Variants in NUP210 observed in about 807,000 individuals in gnomAD.
NUP210 encodes nucleoporin 210, also known as nuclear pore membrane glycoprotein 210.
NUP210 carries 151 observed loss-of-function variants against 196.0 expected under a neutral mutation model. The observed-to-expected ratio is 0.77, with a 90% CI of 0.67 to 0.88. The LOEUF is 0.88. Among genes scored for constraint, NUP210 ranks in the 40% least tolerant of loss-of-function variants. NUP210 has a pLI of 0.00. For missense variants in NUP210, 2,314 were observed against 2,493.7 expected (o/e 0.93, Z 1.53); for synonymous variants, 1,070 against 1,052.7 (o/e 1.02, Z -0.32).
At chr3:13,413,062 C>T (rs1347972220) in intron 1 of NUP210, among the ~76,000 whole-genome samples, 3 of 151,952 alleles carry the variant, frequency 2.0e-5, no homozygotes, top group Non-Finnish European at 4.4e-5. Flanking sequence ...GTCAGGAGTT[C>T]GAGACTAGCC....
chr3:13,326,033 C>T (rs1696737941), intron 32 of NUP210, 102 bp from the exon 33 acceptor site: 2 of 1,470,672 alleles, frequency 1.4e-6, no homozygotes, highest in African/African-American at 2.8e-5. Context: ...CTGGCTGCCG[C>T]TACCCCCATG....
chr3:13,410,353 T>C (rs1445830098), intron 1 of NUP210, among the ~76,000 whole-genome samples: 1 of 151,232 alleles, frequency 6.6e-6, no homozygotes, highest in Admixed American at 6.6e-5. Flanking sequence ...TAATTTTGTA[T>C]TTTTAGCAGA....
In NUP210 at chr3:13,348,500, G is replaced by T. The variant is rs191088872; in HGVS notation, c.2835+3379C>A. 6 of 985,360 alleles carry T rather than the reference G, an allele frequency of 6.1e-6. No individual in the cohort carries two copies. The Admixed American group carries it at 3.7e-4, about 61-fold the overall frequency. The allele number at this position is 985,360 out of a possible 1,614,324, so 61.0% of individuals were successfully genotyped here. ...GGAACTCCCCTCTTCTTGGTAATGG[G>T]GAAGTTTTTATTAATTTCCAAAAAT... is the stretch of plus-strand genomic sequence containing the variant. On this transcript the variant is annotated intron_variant, in intron 20 of 39. Coordinates refer to ENST00000254508, the MANE Select transcript of NUP210 (RefSeq NM_024923.4). The surrounding 1 kb of genome is among the most constrained non-coding windows in gnomAD (Gnocchi z 4.0).
intron 14 of NUP210, among the ~76,000 whole-genome samples, chr3:13,365,193 C>T (rs1244703362): frequency 2.0e-5 from 3 of 152,214 alleles, no homozygotes; most frequent in South Asian, 2.1e-4. Flanking sequence ...AGGCCCAGTT[C>T]TTTTTTATCC....
At chr3:13,381,420 C>CTTTTTTT (rs10644995) in intron 6 of NUP210, among the ~76,000 whole-genome samples, 25 of 134,416 alleles carry the variant, frequency 1.9e-4, no homozygotes, top group African/African-American at 3.4e-4. Context: ...CTTTTCTTTT[C>CTTTTTTT]TTTTTTTTTT....
Position 13,319,063 on chromosome 3 carries a change from G to T in NUP210, c.5563+9C>A. The stretch of plus-strand genomic sequence containing the variant: ...TCTGCCTGGTTGTGCCTGCAGGGGG[G>T]CTACTCACAGTGGGGGCTGTGTCCA... On this transcript the variant is annotated intron_variant, in intron 39 of 39. Transcript: ENST00000254508. The T allele has an allele frequency of 6.3e-7, 1 of 1,595,866 alleles. No individual in the cohort carries two copies. The highest frequency in any genetic ancestry group is 8.5e-7 in the Non-Finnish European group (1 of 1,172,888).
intron 1 of NUP210, among the ~76,000 whole-genome samples, chr3:13,418,357 C>T (rs11919451): frequency 0.041 from 6,216 of 152,304 alleles, 186 homozygotes; most frequent in African/African-American, 0.085. Flanking sequence ...CTTTGGGAGG[C>T]AGAGGCGGCG....
At chr3:13,390,607 C>T (rs1359012193) in intron 4 of NUP210, among the ~76,000 whole-genome samples, 2 of 152,212 alleles carry the variant, frequency 1.3e-5, no homozygotes, top group African/African-American at 2.4e-5. Context: ...TGCAGATCCA[C>T]GGATCTGAGT....
chr3:13,334,227 A>G (rs555196548), intron 28 of NUP210, among the ~76,000 whole-genome samples: 1 of 152,382 alleles, frequency 6.6e-6, no homozygotes, highest in Admixed American at 6.5e-5. Flanking sequence ...ACAGAGGCAC[A>G]GAGCTGCCAA....
In NUP210 at chr3:13,397,506, A is replaced by G; in HGVS notation, c.305-18T>C. The G allele has an allele frequency of 6.3e-6, 10 of 1,581,414 alleles. No individual in the cohort carries two copies. Among genetic ancestry groups the G allele is most frequent in the Non-Finnish European group, 6.9e-6 (8 of 1,163,528 alleles). Reference sequence around the variant, plus strand: ...GCCTGTGGCTGGAGGAACCCCAGGAAGGGGTCAGCACCAAAGACAGTCCCC... The same window carrying G: ...GCCTGTGGCTGGAGGAACCCCAGGAGGGGGTCAGCACCAAAGACAGTCCCC... On this transcript the variant is annotated intron_variant, in intron 2 of 39. Coordinates refer to ENST00000254508, the MANE Select transcript of NUP210 (RefSeq NM_024923.4).
At chr3:13,320,091 G>T in intron 36 of NUP210, 112 bp from the exon 37 acceptor site, 1 of 951,834 alleles carries the variant, frequency 1.1e-6, no homozygotes. Flanking sequence ...ATCTCTGGAA[G>T]CACCCCCGCT....
chr3:13,402,061 T>C (rs910501188), intron 1 of NUP210, among the ~76,000 whole-genome samples: 4 of 152,150 alleles, frequency 2.6e-5, no homozygotes, highest in Non-Finnish European at 5.9e-5. Context: ...TAGCCAGTTA[T>C]GGTGGTGTGC....
chr3:13,333,433 T>C (rs904265404), intron 28 of NUP210, among the ~76,000 whole-genome samples: 27 of 152,234 alleles, frequency 1.8e-4, no homozygotes, highest in Admixed American at 1.6e-3. Context: ...CCCTGGGCCA[T>C]GGCCAATATC....
chr3:13,412,373 C>A (rs1240861918), intron 1 of NUP210, among the ~76,000 whole-genome samples: 5 of 151,436 alleles, frequency 3.3e-5, no homozygotes, highest in African/African-American at 4.9e-5. Context: ...CGGCCCTTTT[C>A]TTATTATTGT....
At chr3:13,404,500 T>C (rs1449033806) in intron 1 of NUP210, among the ~76,000 whole-genome samples, 1 of 152,252 alleles carries the variant, frequency 6.6e-6, no homozygotes, top group Non-Finnish European at 1.5e-5. Context: ...TTATTCTAAC[T>C]TCTAAATGAA....
At chr3:13,375,994 T>A (rs964612324) in intron 10 of NUP210, among the ~76,000 whole-genome samples, 2 of 152,188 alleles carry the variant, frequency 1.3e-5, no homozygotes. Context: ...TGTCGGTGCA[T>A]GGGCATTTCT....
At chr3:13,320,090 A>G in intron 36 of NUP210, 111 bp from the exon 37 acceptor site, 4 of 961,022 alleles carry the variant, frequency 4.2e-6, no homozygotes, top group Non-Finnish European at 6.3e-6. Flanking sequence ...CATCTCTGGA[A>G]GCACCCCCGC....
chr3:13,325,496 C>T (rs1696711683), intron 33 of NUP210, among the ~76,000 whole-genome samples: 1 of 152,098 alleles, frequency 6.6e-6, no homozygotes, highest in African/African-American at 2.4e-5. Context: ...GCACCGGCTC[C>T]CAGGAAGTGC....
In NUP210 at chr3:13,348,306, C is replaced by T. The variant is rs1409327783; in HGVS notation, c.2835+3573G>A. 1.2e-5 allele frequency: 10 copies of T among 864,376 alleles called. No homozygotes were observed. Among genetic ancestry groups the T allele is most frequent in the East Asian group, 1.2e-4 (1 of 8,230 alleles). 53.5% of individuals were successfully genotyped at this position (864,376 alleles called of 1,614,324 possible). A position where few individuals can be genotyped will look rare whatever the true frequency, so the allele number is the denominator to read the frequency against. On this transcript the variant is annotated intron_variant, in intron 20 of 39. Coordinates refer to ENST00000254508, the MANE Select transcript of NUP210 (RefSeq NM_024923.4). This position sits in a 1 kb window ranked among gnomAD's most constrained non-coding sequence, Gnocchi z 4.0. ...GAGACAGGGAGCTCACTACCTACAGCGGCAGCCTAGTCCATCACCGACCTC... is the reference window on the plus strand; with the variant it reads ...GAGACAGGGAGCTCACTACCTACAGTGGCAGCCTAGTCCATCACCGACCTC...
Sources: allele counts gnomAD v4.1 joint callset (sites outside exome capture counted in the v4.1 genomes callset), GRCh38; gene constraint gnomAD v4.1.1; non-coding constraint Gnocchi (gnomAD v3.1); transcripts MANE v1.5; gene names NCBI Gene and HGNC (gene_info 2026-07-23, HGNC 2026-07-21).